KCTD16: variants seen among roughly 807,000 people sequenced by gnomAD.
The protein encoded by KCTD16 is potassium channel tetramerization domain containing 16, also known as BTB/POZ domain-containing protein KCTD16.
Under a neutral mutation model 33.2 loss-of-function variants are expected in KCTD16, and 13 were observed. The ratio of observed to expected loss-of-function variants is 0.39; its 90% confidence interval spans 0.25 to 0.62. KCTD16 has a LOEUF of 0.62. KCTD16 is among the 20% of genes least tolerant of loss of function. The pLI is 0.50. For synonymous variants in KCTD16, 197 were observed against 195.3 expected (o/e 1.01, Z -0.07); for missense variants, 441 against 525.1 (o/e 0.84, Z 1.57).
rs1047615798 is a variant in KCTD16 at position 144,241,766 on chromosome 5, T to G, written c.832+34220T>G. Among the ~76,000 whole-genome samples, 13 of 152,192 alleles carry G rather than the reference T, an allele frequency of 8.5e-5. 1 individual carries two copies. The highest frequency in any genetic ancestry group is 4.4e-5 in the Non-Finnish European group (3 of 68,018). ...TTCTGAATGAGTGGATTAGTGGCTA[T>G]GAAAAATTAACTCATGTTCTTTCAA... On this transcript the variant is annotated intron_variant, in intron 3 of 3. Coordinates refer to ENST00000512467, the MANE Select transcript of KCTD16 (RefSeq NM_020768.4).
intron 3 of KCTD16, among the ~76,000 whole-genome samples, chr5:144,218,169 A>T (rs896012626): frequency 6.6e-6 from 1 of 152,212 alleles, no homozygotes; most frequent in Admixed American, 6.5e-5. Flanking sequence ...GAACAGAAGC[A>T]TATGGTCATT....
At chr5:144,213,335 A>G (rs1221884633) in intron 3 of KCTD16, among the ~76,000 whole-genome samples, 10 of 150,486 alleles carry the variant, frequency 6.6e-5, no homozygotes, top group African/African-American at 1.2e-4. Context: ...CTCTTGCTCT[A>G]TTCCCTTTTC....
chr5:144,204,979 G>A (rs1753127056), intron 2 of KCTD16, among the ~76,000 whole-genome samples: 1 of 151,244 alleles, frequency 6.6e-6, no homozygotes, highest in African/African-American at 2.4e-5. Context: ...CAGCAGGAAG[G>A]AATTCCGTGA....
intron 3 of KCTD16, among the ~76,000 whole-genome samples, chr5:144,340,972 G>A (rs976708208): frequency 6.6e-6 from 1 of 152,078 alleles, no homozygotes; most frequent in African/African-American, 2.4e-5. Context: ...TTGAACCCAG[G>A]AGGTAGAGGT....
chr5:144,280,761 A>T (rs1755579287), intron 3 of KCTD16, among the ~76,000 whole-genome samples: 1 of 152,064 alleles, frequency 6.6e-6, no homozygotes, highest in African/African-American at 2.4e-5. Context: ...CATCTCTACT[A>T]AACAAAATAC....
Position 144,480,551 on chromosome 5 carries a change from G to C in KCTD16, c.*6437G>C, listed in dbSNP as rs572356033. 6.6e-6 allele frequency: 1 copy of C among 151,960 alleles called. No individual in the cohort carries two copies. The highest frequency in any genetic ancestry group is 1.5e-5 in the Non-Finnish European group (1 of 67,936). 9.4% of individuals were successfully genotyped at this position (151,960 alleles called of 1,614,324 possible). On this transcript the variant is annotated 3_prime_UTR_variant, in exon 4 of 4. Coordinates refer to ENST00000512467, the MANE Select transcript of KCTD16 (RefSeq NM_020768.4). The stretch of plus-strand genomic sequence containing the variant: ...GTTTATCTATACCCTTTAGGTGAGA[G>C]ACAGAGAGAAACAATTTCAGGAAAC...
intron 3 of KCTD16, among the ~76,000 whole-genome samples, chr5:144,408,947 T>C (rs977075875): frequency 6.6e-6 from 1 of 152,208 alleles, no homozygotes; most frequent in Non-Finnish European, 1.5e-5. Flanking sequence ...TTACATAGTA[T>C]CATGCTCTCT....
At position 144,224,383 on chromosome 5, in the gene KCTD16, GTTTTT is replaced by G. The variant is rs530446253; in HGVS notation, c.832+16854_832+16858del. Among the ~76,000 whole-genome samples, 725 of 100,344 alleles carry G rather than the reference GTTTTT, an allele frequency of 7.2e-3. 6 individuals carry two copies. The highest frequency in any genetic ancestry group is 0.025 in the African/African-American group (665 of 27,020). 65.8% of individuals were successfully genotyped at this position (100,344 alleles called of 152,430 possible). A position where few individuals can be genotyped will look rare whatever the true frequency, so the allele number is the denominator to read the frequency against. ...TATTTTTATTGGATCAATATAATGT[GTTTTT>G]TTTTTTTTTTTTTTTTCCTCCAAAG... is the stretch of plus-strand genomic sequence containing the variant. On this transcript the variant is annotated intron_variant, in intron 3 of 3. Transcript: ENST00000512467.
At chr5:144,196,594 C>A (rs951401317) in intron 2 of KCTD16, among the ~76,000 whole-genome samples, 12 of 152,158 alleles carry the variant, frequency 7.9e-5, no homozygotes, top group African/African-American at 2.9e-4. Flanking sequence ...TAACTACTCT[C>A]AAGACCTCAT....
intron 2 of KCTD16, among the ~76,000 whole-genome samples, chr5:144,193,182 A>G (rs544966216): frequency 1.3e-5 from 2 of 152,294 alleles, no homozygotes; most frequent in Admixed American, 1.3e-4. Flanking sequence ...TGTTATCCCC[A>G]TATCAGCCAA....
chr5:144,443,167 T>C (rs1425023010), intron 3 of KCTD16, among the ~76,000 whole-genome samples: 2 of 152,076 alleles, frequency 1.3e-5, no homozygotes, highest in African/African-American at 2.4e-5. Flanking sequence ...AACCTGACAC[T>C]AGGATCTGGA....
At chr5:144,268,689 C>T (rs1201332528) in intron 3 of KCTD16, among the ~76,000 whole-genome samples, 1 of 151,986 alleles carries the variant, frequency 6.6e-6, no homozygotes, top group Non-Finnish European at 1.5e-5. Context: ...AATGACAAGG[C>T]ATCCAAAGAA....
chr5:144,438,500 T>C (rs577751396), intron 3 of KCTD16, among the ~76,000 whole-genome samples: 2 of 152,320 alleles, frequency 1.3e-5, no homozygotes, highest in East Asian at 1.9e-4. Context: ...TATTTCATAG[T>C]AGCCACAGTA....
intron 3 of KCTD16, among the ~76,000 whole-genome samples, chr5:144,385,002 T>C (rs182666233): frequency 6.6e-6 from 1 of 152,322 alleles, no homozygotes; most frequent in Admixed American, 6.5e-5. Context: ...CTGTTGGAAG[T>C]CTGACATTCA....
chr5:144,257,620 C>T (rs1370741315), intron 3 of KCTD16, among the ~76,000 whole-genome samples: 1 of 152,020 alleles, frequency 6.6e-6, no homozygotes, highest in East Asian at 1.9e-4. Flanking sequence ...TCCCGAGTAG[C>T]TGGGACTACA....
chr5:144,253,142 C>T (rs996861572), intron 3 of KCTD16, among the ~76,000 whole-genome samples: 1 of 152,044 alleles, frequency 6.6e-6, no homozygotes, highest in Non-Finnish European at 1.5e-5. Flanking sequence ...AGCCCCCTTT[C>T]GTTGTCATAT....
At chr5:144,297,143 T>G (rs1410283664) in intron 3 of KCTD16, among the ~76,000 whole-genome samples, 1 of 152,236 alleles carries the variant, frequency 6.6e-6, no homozygotes, top group African/African-American at 2.4e-5. Context: ...TTTCCTTTGA[T>G]TCTAGCTCCG....
chr5:144,185,368 A>T (rs1752703524), intron 2 of KCTD16, among the ~76,000 whole-genome samples: 1 of 152,230 alleles, frequency 6.6e-6, no homozygotes, highest in South Asian at 2.1e-4. Flanking sequence ...GAAGATACTC[A>T]TTGCCTCAGT....
chr5:144,410,106 G>C (rs543819410), intron 3 of KCTD16, among the ~76,000 whole-genome samples: 110 of 152,312 alleles, frequency 7.2e-4, no homozygotes, highest in African/African-American at 2.6e-3. Flanking sequence ...TAACTTTGCA[G>C]TTAGAATGGC....
Sources: allele counts gnomAD v4.1 joint callset (sites outside exome capture counted in the v4.1 genomes callset), GRCh38; gene constraint gnomAD v4.1.1; transcripts MANE v1.5; gene names NCBI Gene and HGNC (gene_info 2026-07-23, HGNC 2026-07-21).